The following TTC28 variants were observed in gnomAD, a reference collection of about 807,000 sequenced individuals.
The protein encoded by TTC28 is tetratricopeptide repeat protein 28.
A neutral mutation model predicts 198.0 loss-of-function variants in TTC28; 61 were observed. The ratio of observed to expected loss-of-function variants is 0.31; its 90% confidence interval spans 0.25 to 0.38. The LOEUF (loss-of-function observed/expected upper bound fraction) is 0.38, where lower values mean the gene tolerates loss of function less well. Among genes scored for constraint, TTC28 ranks in the 10% least tolerant of loss-of-function variants. The pLI is 1.00. For synonymous variants in TTC28, 1,171 were observed against 1,297.8 expected (o/e 0.90, Z 2.10); for missense variants, 2,678 against 3,164.0 (o/e 0.85, Z 3.69).
At chr22:28,210,666 G>A (rs903701980) in intron 5 of TTC28, among the ~76,000 whole-genome samples, 1 of 152,168 alleles carries the variant, frequency 6.6e-6, no homozygotes, top group Non-Finnish European at 1.5e-5. Flanking sequence ...CGTCTGATTG[G>A]TGTACCTGAA....
chr22:28,324,008 T>C (rs2045486794), intron 2 of TTC28, among the ~76,000 whole-genome samples: 1 of 152,142 alleles, frequency 6.6e-6, no homozygotes, highest in African/African-American at 2.4e-5. Flanking sequence ...TAATAGTATA[T>C]CTGGTGAAAA....
intron 15 of TTC28, 195 bp downstream of exon 15, chr22:28,001,178 AG>A: frequency 1.6e-6 from 1 of 611,162 alleles, no homozygotes; most frequent in Non-Finnish European, 2.7e-6. Flanking sequence ...AAGAATGGCC[AG>A]GGGTCATGAG....
chr22:28,296,339 T>C lies in TTC28; in HGVS notation c.803-11A>G. On this transcript the variant is annotated splice_polypyrimidine_tract_variant and intron_variant, in intron 4 of 22. Coordinates refer to ENST00000397906, the MANE Select transcript of TTC28 (RefSeq NM_001145418.2). ...CTCCTGTCTGGTCACCTGGATTGAA[T>C]TGAGAAAAAAAAAAAGAAAAAATTT... is the stretch of plus-strand genomic sequence containing the variant. 1 of 1,498,660 alleles carries C rather than the reference T, an allele frequency of 6.7e-7. No individual in the cohort carries two copies. Among genetic ancestry groups the C allele is most frequent in the Non-Finnish European group, 8.9e-7 (1 of 1,127,728 alleles). 92.8% of individuals were successfully genotyped at this position (1,498,660 alleles called of 1,614,324 possible).
At chr22:28,468,286 C>A (rs1336416174) in intron 2 of TTC28, among the ~76,000 whole-genome samples, 1 of 152,082 alleles carries the variant, frequency 6.6e-6, no homozygotes, top group Non-Finnish European at 1.5e-5. Context: ...AGGGGATCTT[C>A]AAGTTCACAA....
Position 28,394,281 on chromosome 22 carries a change from T to G in TTC28, c.382-87638A>C, listed in dbSNP as rs2046780628. ...TATACAATTTTGTAGAATGTACAAG[T>G]ATCATGTTTTATTAAATATCTGTTT... is the stretch of plus-strand genomic sequence containing the variant. On this transcript the variant is annotated intron_variant, in intron 2 of 22. Coordinates refer to ENST00000397906, the MANE Select transcript of TTC28 (RefSeq NM_001145418.2). Among the ~76,000 whole-genome samples the G allele has an allele frequency of 2.0e-5, 3 of 152,214 alleles. 1 individual carries two copies. The South Asian group carries it at 6.2e-4, about 32-fold the overall frequency.
chr22:28,211,268 A>G (rs1926930385), intron 5 of TTC28, among the ~76,000 whole-genome samples: 1 of 152,196 alleles, frequency 6.6e-6, no homozygotes, highest in South Asian at 2.1e-4. Flanking sequence ...ACAGGATCAA[A>G]TTCACACATA....
At chr22:28,190,580 G>C (rs1924637671) in intron 5 of TTC28, among the ~76,000 whole-genome samples, 1 of 152,162 alleles carries the variant, frequency 6.6e-6, no homozygotes, top group African/African-American at 2.4e-5. Flanking sequence ...ACAGTATGTT[G>C]TTTAATTAGG....
intron 21 of TTC28, among the ~76,000 whole-genome samples, chr22:27,988,021 C>T (rs1011016004): frequency 6.6e-6 from 1 of 152,058 alleles, no homozygotes; most frequent in Non-Finnish European, 1.5e-5. Context: ...AAAAGACCAT[C>T]TTGGGCAAAA....
Position 28,014,149 on chromosome 22 carries a change from G to C in TTC28, c.4218+99C>G, listed in dbSNP as rs1938262187. The C allele has an allele frequency of 2.2e-6, 3 of 1,394,090 alleles. No individual in the cohort carries two copies. The East Asian group carries it at 7.8e-5, about 36-fold the overall frequency. The allele number at this position is 1,394,090 out of a possible 1,614,324, so 86.4% of individuals were successfully genotyped here. A position where few individuals can be genotyped will look rare whatever the true frequency, so the allele number is the denominator to read the frequency against. ...TTCTGGAAAGCCTCCGGTTGTCTCGGGAGCCCATTTTGGTGTCTAAGAGGG... is the reference window on the plus strand; with the variant it reads ...TTCTGGAAAGCCTCCGGTTGTCTCGCGAGCCCATTTTGGTGTCTAAGAGGG... On this transcript the variant is annotated intron_variant, in intron 14 of 22. Transcript: ENST00000397906.
At chr22:28,359,717 CAA>C (rs917324138) in intron 2 of TTC28, among the ~76,000 whole-genome samples, 1 of 152,152 alleles carries the variant, frequency 6.6e-6, no homozygotes, top group Non-Finnish European at 1.5e-5. Context: ...ATGTTGGTAA[CAA>C]GAGAAGCTGT....
At chr22:28,316,057 G>A (rs568411796) in intron 2 of TTC28, among the ~76,000 whole-genome samples, 5 of 152,210 alleles carry the variant, frequency 3.3e-5, no homozygotes, top group South Asian at 4.1e-4. Flanking sequence ...CTTTTAATGC[G>A]CATGTGGGCC....
intron 2 of TTC28, among the ~76,000 whole-genome samples, chr22:28,621,568 T>C (rs555006998): frequency 5.4e-5 from 8 of 147,826 alleles, no homozygotes; most frequent in Non-Finnish European, 1.2e-4. Flanking sequence ...ATAATAATAA[T>C]AAAAAAAATA....
intron 2 of TTC28, among the ~76,000 whole-genome samples, chr22:28,348,441 G>A (rs1241266027): frequency 6.6e-6 from 1 of 152,136 alleles, no homozygotes; most frequent in Non-Finnish European, 1.5e-5. Flanking sequence ...GAAAGATCCT[G>A]GGGCGTTCCA....
At chr22:28,589,074 A>C (rs866823009) in intron 2 of TTC28, among the ~76,000 whole-genome samples, 2 of 152,168 alleles carry the variant, frequency 1.3e-5, no homozygotes, top group African/African-American at 4.8e-5. Context: ...ACACAAGGAA[A>C]AGAAAGTAGC....
chr22:27,998,483 G>A (rs1381519298), intron 16 of TTC28, 57 bp downstream of exon 16: 3 of 1,501,496 alleles, frequency 2.0e-6, no homozygotes, highest in Non-Finnish European at 2.7e-6. Context: ...AAGTCGGGGG[G>A]CTGTGAGGAC....
In TTC28 at chr22:27,981,334, T is replaced by A. The variant is rs943742208; in HGVS notation, c.*887A>T. The A allele has an allele frequency of 2.7e-5, 4 of 146,766 alleles. No individual in the cohort carries two copies. In the Admixed American group the frequency reaches 2.7e-4, roughly 10 times the overall value. 9.1% of individuals were successfully genotyped at this position (146,766 alleles called of 1,614,324 possible). A position where few individuals can be genotyped will look rare whatever the true frequency, so the allele number is the denominator to read the frequency against. On this transcript the variant is annotated 3_prime_UTR_variant, in exon 23 of 23. Coordinates refer to ENST00000397906, the MANE Select transcript of TTC28 (RefSeq NM_001145418.2). Reference sequence around the variant, plus strand: ...CTTGATAATTACTTATTGATGACTATTCAAAATTTGACATTTTAAAAAACT... The same window carrying A: ...CTTGATAATTACTTATTGATGACTAATCAAAATTTGACATTTTAAAAAACT...
chr22:28,360,734 T>C (rs1237190623), intron 2 of TTC28, among the ~76,000 whole-genome samples: 1 of 152,222 alleles, frequency 6.6e-6, no homozygotes, highest in Non-Finnish European at 1.5e-5. Context: ...GCACTTTACT[T>C]TATTGTGCTT....
chr22:28,227,873 C>T (rs1325871181), intron 5 of TTC28, among the ~76,000 whole-genome samples: 1 of 152,086 alleles, frequency 6.6e-6, no homozygotes, highest in African/African-American at 2.4e-5. Context: ...TGGGTATATA[C>T]CCAAAAGAAT....
At position 28,101,248 on chromosome 22, in the gene TTC28, C is replaced by T; in HGVS notation, c.3340G>A (p.Glu1114Lys). ...LRLAEQLGRR[E>K]DEAKIRHGLG... ...CCATGGCGAATTTTTGCCTCATCTT[C>T]TCTTCGGCCCAGTTGCTCAGCTAAC... The change falls in exon 9 of 23, where the codon GAA (glutamate) becomes AAA (lysine). Residue 1114 changes from glutamate to lysine, a missense_variant. Transcript: ENST00000397906. The T allele has an allele frequency of 1.9e-6, 3 of 1,551,664 alleles. No individual in the cohort carries two copies. The highest frequency in any genetic ancestry group is 2.6e-6 in the Non-Finnish European group (3 of 1,146,926).
Sources: allele counts gnomAD v4.1 joint callset (sites outside exome capture counted in the v4.1 genomes callset), GRCh38; gene constraint gnomAD v4.1.1; transcripts MANE v1.5; gene names NCBI Gene and HGNC (gene_info 2026-07-23, HGNC 2026-07-21).